Variants in ARMC2 observed in about 807,000 individuals in gnomAD.
ARMC2 encodes armadillo repeat-containing protein 2.
A neutral mutation model predicts 90.3 loss-of-function variants in ARMC2; 67 were observed. The ratio of observed to expected loss-of-function variants is 0.74; its 90% CI spans 0.61 to 0.91. The LOEUF is 0.91. ARMC2 is among the 40% of genes least tolerant of loss of function. The pLI is 0.00. For synonymous variants in ARMC2, 393 were observed against 393.0 expected, an observed-to-expected ratio of 1.00 and a Z score of 0.00; for missense variants, 920 against 1,030.9, an observed-to-expected ratio of 0.89 and a Z score of 1.47.
At chr6:108,964,659 A>G (rs879408759) in intron 16 of ARMC2, among the ~76,000 whole-genome samples, 1 of 152,072 alleles carries the variant, frequency 6.6e-6, no homozygotes, top group Non-Finnish European at 1.5e-5. Context: ...CTGTAATCCC[A>G]GCTATTCAGG....
At chr6:108,966,478 AGT>A (rs1004556670) in intron 17 of ARMC2, among the ~76,000 whole-genome samples, 12 of 152,202 alleles carry the variant, frequency 7.9e-5, no homozygotes, top group African/African-American at 2.9e-4. Context: ...AAACTCTTTA[AGT>A]GTTGTAACAC....
At chr6:108,948,149 C>T (rs946721072) in intron 12 of ARMC2, among the ~76,000 whole-genome samples, 2 of 152,150 alleles carry the variant, frequency 1.3e-5, no homozygotes, top group African/African-American at 4.8e-5. Context: ...ATGGCTCGGG[C>T]TGTGGAACAG....
chr6:108,869,010 C>G lies in ARMC2; in HGVS notation c.463+15C>G, dbSNP rs1399599481. 6.3e-7 allele frequency: 1 copy of G among 1,586,632 alleles called. No homozygotes were observed. The highest frequency in any genetic ancestry group is 2.3e-5 in the East Asian group (1 of 44,310). On this transcript the variant is annotated intron_variant, in intron 4 of 17. Transcript: ENST00000392644. ...TCCCTCCGACTGTAAGGCCATGTAA[C>G]ATCCTGTAATCTCTGGGGACAGGCA...
the ARMC2 span, chr6:109,009,327 C>A: frequency 6.8e-7 from 1 of 1,461,146 alleles, no homozygotes; most frequent in Non-Finnish European, 9.0e-7. Context: ...GCCCAGGTAC[C>A]CAGCGGCCCG....
the ARMC2 span, among the ~76,000 whole-genome samples, chr6:109,038,738 T>A: frequency 6.6e-6 from 1 of 152,154 alleles, no homozygotes; most frequent in Admixed American, 6.5e-5. Context: ...TAAGCAAGAA[T>A]AGTTAAATTT....
chr6:109,030,852 T>C, the ARMC2 span, among the ~76,000 whole-genome samples: 2 of 152,222 alleles, frequency 1.3e-5, no homozygotes, highest in Admixed American at 6.5e-5. Flanking sequence ...AGAAATGTCA[T>C]ACAACTGACA....
chr6:108,905,146 A>G (rs1187605044), intron 8 of ARMC2, among the ~76,000 whole-genome samples: 3 of 152,232 alleles, frequency 2.0e-5, no homozygotes, highest in African/African-American at 7.2e-5. Context: ...TTGGTTTCAT[A>G]CAAGTACAAG....
chr6:108,961,467 G>C, intron 13 of ARMC2, 105 bp from the exon 14 acceptor site: 1 of 1,300,422 alleles, frequency 7.7e-7, no homozygotes, highest in Non-Finnish European at 1.0e-6. Flanking sequence ...TAGGGACCCT[G>C]CGTGATCGCA....
intron 1 of ARMC2, 142 bp from the exon 2 acceptor site, chr6:108,854,083 C>T: frequency 2.1e-6 from 1 of 485,658 alleles, no homozygotes; most frequent in Non-Finnish European, 3.7e-6. Context: ...GAGCTGTTCT[C>T]AGATCCTAAC....
chr6:108,920,152 T>C (rs976868593), intron 10 of ARMC2, among the ~76,000 whole-genome samples: 2 of 152,158 alleles, frequency 1.3e-5, no homozygotes, highest in African/African-American at 4.8e-5. Flanking sequence ...TTGGTATTGA[T>C]CACTACACTG....
chr6:108,885,403 A>G (rs931134738), intron 5 of ARMC2, among the ~76,000 whole-genome samples: 1 of 152,148 alleles, frequency 6.6e-6, no homozygotes, highest in South Asian at 2.1e-4. Flanking sequence ...TAAGTTTAGT[A>G]ATTAAGAAAA....
At chr6:108,931,842 T>C (rs1198503956) in intron 11 of ARMC2, among the ~76,000 whole-genome samples, 1 of 151,778 alleles carries the variant, frequency 6.6e-6, no homozygotes, top group African/African-American at 2.4e-5. Flanking sequence ...CGGCTCACCA[T>C]AACCTCTGCC....
At chr6:109,045,845 A>G in the ARMC2 span, among the ~76,000 whole-genome samples, 1 of 152,168 alleles carries the variant, frequency 6.6e-6, no homozygotes, top group African/African-American at 2.4e-5. Context: ...AGTGTCTGGC[A>G]TGGAATGTTA....
chr6:108,896,509 G>C (rs1436133316), intron 6 of ARMC2, among the ~76,000 whole-genome samples: 1 of 152,188 alleles, frequency 6.6e-6, no homozygotes, highest in Non-Finnish European at 1.5e-5. Flanking sequence ...AGGAGGCCCA[G>C]CGTGAATGAA....
chr6:108,931,281 C>G (rs886962177), intron 11 of ARMC2, among the ~76,000 whole-genome samples: 3 of 151,914 alleles, frequency 2.0e-5, no homozygotes, highest in African/African-American at 7.3e-5. Context: ...GCATAGTATT[C>G]CATGGTGTAT....
the ARMC2 span, among the ~76,000 whole-genome samples, chr6:109,017,324 C>T: frequency 1.3e-3 from 192 of 152,240 alleles, no homozygotes; most frequent in African/African-American, 4.4e-3. Context: ...CTCACTCTGT[C>T]GCCCAGGCTG....
rs78896258 is a variant in ARMC2 at position 108,888,050 on chromosome 6, G to A, written c.672-6417G>A. The stretch of plus-strand genomic sequence containing the variant: ...ATGTCATTTTAGGCTGCAGCGTTAC[G>A]TAGAACATCTCCTCTCTGTCCTCAA... On this transcript the variant is annotated intron_variant, in intron 5 of 17. Coordinates refer to ENST00000392644, the MANE Select transcript of ARMC2 (RefSeq NM_032131.6). Among the ~76,000 whole-genome samples the A allele has an allele frequency of 4.3e-3, 648 of 152,262 alleles. 3 individuals carry two copies. The highest frequency in any genetic ancestry group is 0.014 in the African/African-American group (600 of 41,560).
At position 108,850,987 on chromosome 6, in the gene ARMC2, A is replaced by G. The variant is rs189363347; in HGVS notation, c.-44+2441A>G. On this transcript the variant is annotated intron_variant, in intron 1 of 17. Transcript: ENST00000392644. ...CTTTGAGAGTTAGCTGGGTGATTAC[A>G]TAAAAACTGTCTGATTTCACTACTT... 2.6e-5 allele frequency among the ~76,000 whole-genome samples: 4 copies of G among 152,328 alleles called. No individual in the cohort carries two copies. In the East Asian group the frequency reaches 7.7e-4, roughly 29 times the overall value.
At chr6:108,854,899 T>C (rs531267498) in intron 2 of ARMC2, among the ~76,000 whole-genome samples, 1 of 152,214 alleles carries the variant, frequency 6.6e-6, no homozygotes, top group African/African-American at 2.4e-5. Context: ...ATTTTTCACT[T>C]CCTTCCCTCA....
Sources: gnomAD v4.1 joint callset for allele counts (sites outside exome capture counted in the v4.1 genomes callset) on GRCh38, gnomAD v4.1.1 for gene constraint, MANE v1.5 for transcripts, NCBI Gene and HGNC (gene_info 2026-07-23, HGNC 2026-07-21) for gene names.